The following LOXL2 variants were observed in gnomAD, a reference collection of about 807,000 sequenced individuals.
LOXL2 encodes lysyl oxidase like 2, also known as lysyl oxidase homolog 2.
In LOXL2, 70 loss-of-function variants were observed where a neutral mutation model predicts 93.0. The observed-to-expected ratio is 0.75, with a 90% CI of 0.62 to 0.92. The LOEUF is 0.92. LOXL2 is among the 40% of genes least tolerant of loss of function. LOXL2 has a pLI of 0.00. For missense variants in LOXL2, 973 were observed against 1,054.9 expected (o/e 0.92, Z 1.08); for synonymous variants, 438 against 413.2 (o/e 1.06, Z -0.73).
At chr8:23,399,533 T>A (rs1800132051) in intron 1 of LOXL2, among the ~76,000 whole-genome samples, 1 of 152,162 alleles carries the variant, frequency 6.6e-6, no homozygotes, top group Non-Finnish European at 1.5e-5. Context: ...TGAGCTAGCA[T>A]GTTATCATGC....
intron 13 of LOXL2, among the ~76,000 whole-genome samples, chr8:23,298,493 G>C (rs1010625927): frequency 8.5e-5 from 13 of 152,148 alleles, no homozygotes; most frequent in African/African-American, 3.1e-4. Flanking sequence ...TCCAGCTCTC[G>C]ACAGAAAAAC....
At chr8:23,313,605 T>G (rs557209315) in intron 9 of LOXL2, among the ~76,000 whole-genome samples, 1 of 152,278 alleles carries the variant, frequency 6.6e-6, no homozygotes, top group African/African-American at 2.4e-5. Flanking sequence ...TGTAGAAAGC[T>G]GAAACTGGAT....
rs996553527 is a variant in LOXL2, at chr8:23,342,722, T to C, written c.532-1519A>G. ...CTGGGATTACAGGCATGAGCCACCG[T>C]GCCCGGCCTTTTTTTTCTTTTAATT... On this transcript the variant is annotated intron_variant, in intron 3 of 13. Transcript: ENST00000389131. 3.0e-4 allele frequency among the ~76,000 whole-genome samples: 45 copies of C among 152,058 alleles called. 1 individual carries two copies. Among genetic ancestry groups the C allele is most frequent in the Admixed American group, 1.9e-3 (29 of 15,270 alleles).
intron 9 of LOXL2, among the ~76,000 whole-genome samples, chr8:23,314,331 GA>G (rs1230196608): frequency 7.0e-6 from 1 of 143,274 alleles, no homozygotes; most frequent in Non-Finnish European, 1.5e-5. Flanking sequence ...CTGCTATAAA[GA>G]CACATGCACA....
At chr8:23,334,239 A>C (rs1316945072) in intron 4 of LOXL2, among the ~76,000 whole-genome samples, 1 of 152,188 alleles carries the variant, frequency 6.6e-6, no homozygotes, top group African/African-American at 2.4e-5. Flanking sequence ...GGGTTTCGCC[A>C]TGTTGGCCAG....
chr8:23,314,472 G>T (rs1298865111), intron 9 of LOXL2, among the ~76,000 whole-genome samples: 4 of 125,750 alleles, frequency 3.2e-5, no homozygotes, highest in Non-Finnish European at 6.9e-5. Flanking sequence ...CATAAAAAAT[G>T]ATAAGTTCAT....
chr8:23,357,228 CCTGGCTAATTT>C (rs2117201594), intron 3 of LOXL2, among the ~76,000 whole-genome samples: 1 of 152,252 alleles, frequency 6.6e-6, no homozygotes, highest in Admixed American at 6.5e-5. Flanking sequence ...CACCACCATG[CCTGGCTAATTT>C]CTGTATTTTT....
intron 1 of LOXL2, among the ~76,000 whole-genome samples, chr8:23,386,379 C>A (rs1165805684): frequency 3.9e-5 from 6 of 152,120 alleles, no homozygotes; most frequent in Non-Finnish European, 7.4e-5. Context: ...GGCGACAGAG[C>A]AAGACTCCCT....
intron 2 of LOXL2, among the ~76,000 whole-genome samples, chr8:23,361,158 C>G (rs754940301): frequency 1.3e-5 from 2 of 152,162 alleles, no homozygotes; most frequent in Non-Finnish European, 2.9e-5. Context: ...CTCAGCCTCA[C>G]AAAGTGCTGG....
At chr8:23,367,508 C>T (rs1301951874) in intron 2 of LOXL2, among the ~76,000 whole-genome samples, 1 of 152,140 alleles carries the variant, frequency 6.6e-6, no homozygotes, top group Non-Finnish European at 1.5e-5. Context: ...CTCCACATGC[C>T]AGGAAGGTGG....
At chr8:23,310,054 T>C (rs1421271816) in intron 9 of LOXL2, 143 bp from the exon 10 acceptor site, 2 of 793,652 alleles carry the variant, frequency 2.5e-6, no homozygotes, top group Admixed American at 8.1e-5. Flanking sequence ...GGTTACCTTC[T>C]TGTTTAGCAA....
In LOXL2 at chr8:23,309,791, T is replaced by G. The variant is rs1306951198; in HGVS notation, c.1757A>C (p.Gln586Pro). ...EENCLSASAAQTDPTTGYRRL... is the reference protein window; with the variant it reads ...EENCLSASAAPTDPTTGYRRL... ...GCGGTAGCCCGTGGTGGGGTCGGTC[T>G]GCGCGGCTGAGGCCGAGAGGCAGTT... The change falls in exon 10 of 14, where the codon CAG becomes CCG. Residue 586 changes from glutamine (Q) to proline (P), a missense_variant. Physicochemically the swap from Gln to Pro is moderately conservative, Grantham distance 76. Transcript: ENST00000389131. 13 of 1,603,440 alleles carry G rather than the reference T, an allele frequency of 8.1e-6. No individual in the cohort carries two copies. Among genetic ancestry groups the G allele is most frequent in the Non-Finnish European group, 1.1e-5 (13 of 1,175,260 alleles).
At position 23,360,254 on chromosome 8, in the gene LOXL2, A is replaced by C; in HGVS notation, c.367T>G (p.Leu123Val). ...SYGKGEGPIW[L>V]DNLHCTGNEA... ...TTGCCAGTACAGTGGAGATTGTCTA[A>C]CCAGATGGGCCCTGAAGGAGGCAGA... Residue 123 changes from leucine (L) to valine (V), a missense_variant, in exon 3 of 14, where the codon TTA (leucine) becomes GTA (valine). By Grantham distance (32) the Leu-to-Val change is conservative. Coordinates refer to ENST00000389131, the MANE Select transcript of LOXL2 (RefSeq NM_002318.3). 6.2e-7 allele frequency: 1 copy of C among 1,606,522 alleles called. No homozygotes were observed. Among genetic ancestry groups the C allele is most frequent in the Non-Finnish European group, 8.5e-7 (1 of 1,173,908 alleles).
chr8:23,315,010 C>T (rs961893563), intron 9 of LOXL2, among the ~76,000 whole-genome samples: 11 of 152,080 alleles, frequency 7.2e-5, no homozygotes, highest in African/African-American at 2.2e-4. Context: ...CCCCTGGTCA[C>T]GGAAGTGCAG....
chr8:23,339,946 T>C (rs1168464134), intron 4 of LOXL2, among the ~76,000 whole-genome samples: 1 of 152,186 alleles, frequency 6.6e-6, no homozygotes, highest in African/African-American at 2.4e-5. Context: ...GGATATGTGG[T>C]CTGCCCGGCA....
intron 3 of LOXL2, among the ~76,000 whole-genome samples, chr8:23,359,834 C>T (rs749528208): frequency 1.3e-5 from 2 of 152,210 alleles, no homozygotes; most frequent in African/African-American, 2.4e-5. Flanking sequence ...AGATCACGCT[C>T]TGCTTACCCC....
At chr8:23,309,562 T>C (rs1803288955) in intron 10 of LOXL2, 106 bp downstream of exon 10, 16 of 1,254,000 alleles carry the variant, frequency 1.3e-5, no homozygotes, top group Non-Finnish European at 1.6e-5. Flanking sequence ...CCCCAGGCCA[T>C]GCAGCCTCTT....
chr8:23,348,411 A>C (rs1804029603), intron 3 of LOXL2, among the ~76,000 whole-genome samples: 1 of 150,778 alleles, frequency 6.6e-6, no homozygotes, highest in Admixed American at 6.6e-5. Flanking sequence ...ATAATAACAA[A>C]AAAAAAAATT....
intron 8 of LOXL2, among the ~76,000 whole-genome samples, chr8:23,317,705 G>A (rs1803424667): frequency 6.6e-6 from 1 of 152,130 alleles, no homozygotes; most frequent in African/African-American, 2.4e-5. Flanking sequence ...TAGGATGCTG[G>A]GATTTATTTG....
Sources: gnomAD v4.1 joint callset for allele counts (sites outside exome capture counted in the v4.1 genomes callset) on GRCh38, gnomAD v4.1.1 for gene constraint, MANE v1.5 for transcripts, NCBI Gene and HGNC (gene_info 2026-07-23, HGNC 2026-07-21) for gene names.